Variants in ERGIC1 observed in about 807,000 individuals in gnomAD.
The protein encoded by ERGIC1 is endoplasmic reticulum-Golgi intermediate compartment protein 1.
In ERGIC1, 19 loss-of-function variants were observed where a neutral mutation model predicts 38.3. That is an observed-to-expected ratio of 0.50 (90% CI 0.35 to 0.73). ERGIC1 has a LOEUF of 0.73. ERGIC1 is among the 30% of genes least tolerant of loss of function. The pLI, the probability that ERGIC1 is intolerant of heterozygous loss-of-function variation, is 0.01. For synonymous variants in ERGIC1, 124 were observed against 157.6 expected (o/e 0.79, Z 1.60); for missense variants, 294 against 389.2 (o/e 0.76, Z 2.06).
intron 1 of ERGIC1, among the ~76,000 whole-genome samples, chr5:172,836,845 C>T (rs1026040049): frequency 3.2e-4 from 49 of 152,208 alleles, no homozygotes; most frequent in Admixed American, 3.2e-3. Context: ...CATCGATTCC[C>T]TTGTCACCTG....
At chr5:172,864,712 G>A (rs114430340) in intron 1 of ERGIC1, among the ~76,000 whole-genome samples, 164 of 152,002 alleles carry the variant, frequency 1.1e-3, no homozygotes, top group African/African-American at 3.8e-3. Context: ...CATTGTTGTA[G>A]AGGGTTAAAG....
chr5:172,921,897 G>A (rs990752313), intron 5 of ERGIC1, among the ~76,000 whole-genome samples: 2 of 152,214 alleles, frequency 1.3e-5, no homozygotes, highest in Non-Finnish European at 2.9e-5. Context: ...AACACAGGAT[G>A]TCCTTCCCCC....
At chr5:172,903,562 C>T (rs914673652) in intron 3 of ERGIC1, among the ~76,000 whole-genome samples, 4 of 152,124 alleles carry the variant, frequency 2.6e-5, no homozygotes, top group Admixed American at 1.3e-4. Flanking sequence ...CTGGTTTCAT[C>T]GACGTGAAGG....
intron 5 of ERGIC1, chr5:172,915,122 C>T: frequency 1.4e-6 from 1 of 691,572 alleles, no homozygotes; most frequent in South Asian, 1.5e-5. Flanking sequence ...AGCCCCCAGC[C>T]CTGGGTTCAA....
In ERGIC1 at chr5:172,914,112, A is replaced by G. The variant is rs982683637; in HGVS notation, c.251-602A>G. Among the ~76,000 whole-genome samples, 11 of 151,848 alleles carry G rather than the reference A, an allele frequency of 7.2e-5. No homozygotes were observed. The East Asian group carries it at 1.2e-3, about 16-fold the overall frequency. ...AATTTTTTTGTATAGGCGGGCACCT[A>G]TAATCCCAGCTACTTGGGAGGCTGA... On this transcript the variant is annotated intron_variant, in intron 4 of 9. Coordinates refer to ENST00000393784, the MANE Select transcript of ERGIC1 (RefSeq NM_001031711.3).
chr5:172,895,234 C>A (rs1320021103), intron 2 of ERGIC1, among the ~76,000 whole-genome samples: 2 of 152,194 alleles, frequency 1.3e-5, no homozygotes, highest in African/African-American at 4.8e-5. Flanking sequence ...GTAATTATTA[C>A]CTGCCGGGCT....
intron 1 of ERGIC1, among the ~76,000 whole-genome samples, chr5:172,860,975 G>T (rs1456163204): frequency 6.6e-6 from 1 of 152,140 alleles, no homozygotes; most frequent in African/African-American, 2.4e-5. Context: ...CTGACTGCCT[G>T]GGGTCACTCT....
intron 9 of ERGIC1, among the ~76,000 whole-genome samples, chr5:172,945,210 C>G (rs1219628678): frequency 6.6e-6 from 1 of 152,228 alleles, no homozygotes; most frequent in East Asian, 1.9e-4. Context: ...GCCTAAGGTG[C>G]TTTGCCCCAC....
intron 1 of ERGIC1, among the ~76,000 whole-genome samples, chr5:172,877,650 G>T (rs1364539591): frequency 6.6e-6 from 1 of 151,842 alleles, no homozygotes; most frequent in African/African-American, 2.4e-5. Context: ...GTATCCTGGA[G>T]ATTCCCCTGT....
intron 1 of ERGIC1, among the ~76,000 whole-genome samples, chr5:172,883,143 C>T (rs1470614581): frequency 6.6e-6 from 1 of 152,092 alleles, no homozygotes; most frequent in Non-Finnish European, 1.5e-5. Context: ...ATTTGAAATA[C>T]TTTTTTAACT....
chr5:172,849,536 G>A (rs1761352264), intron 1 of ERGIC1, among the ~76,000 whole-genome samples: 1 of 152,224 alleles, frequency 6.6e-6, no homozygotes, highest in Non-Finnish European at 1.5e-5. Context: ...AGCCCTTGAA[G>A]ATGTGTGTGC....
chr5:172,920,961 G>A (rs1476535714), intron 5 of ERGIC1, among the ~76,000 whole-genome samples: 2 of 152,214 alleles, frequency 1.3e-5, no homozygotes, highest in Admixed American at 6.5e-5. Flanking sequence ...GTGAAAATGA[G>A]GCATAAATGT....
chr5:172,857,192 C>T (rs1187291968), intron 1 of ERGIC1, among the ~76,000 whole-genome samples: 1 of 152,182 alleles, frequency 6.6e-6, no homozygotes. Context: ...CCTCAGTTTC[C>T]TCATTTGTAA....
At chr5:172,878,934 G>A (rs576335060) in intron 1 of ERGIC1, among the ~76,000 whole-genome samples, 93 of 152,312 alleles carry the variant, frequency 6.1e-4, no homozygotes, top group Admixed American at 9.1e-4. Context: ...CGAGGGCTCC[G>A]ACAGGCTGGT....
chr5:172,854,937 C>T (rs1384827905), intron 1 of ERGIC1, among the ~76,000 whole-genome samples: 1 of 152,118 alleles, frequency 6.6e-6, no homozygotes, highest in African/African-American at 2.4e-5. Context: ...CTGCTGTTTC[C>T]CTCAAAGTCA....
intron 1 of ERGIC1, among the ~76,000 whole-genome samples, chr5:172,883,696 C>G (rs990766699): frequency 6.6e-6 from 1 of 152,156 alleles, no homozygotes; most frequent in African/African-American, 2.4e-5. Context: ...TAAGATGATG[C>G]CTGGGCCAGG....
chr5:172,851,955 C>T (rs114897367), intron 1 of ERGIC1, among the ~76,000 whole-genome samples: 172 of 152,134 alleles, frequency 1.1e-3, no homozygotes, highest in African/African-American at 3.9e-3. Flanking sequence ...GAGATTTGCC[C>T]GAGATCGTCT....
intron 8 of ERGIC1, chr5:172,934,454 T>C (rs1763843238): frequency 6.5e-6 from 1 of 152,896 alleles, no homozygotes; most frequent in Non-Finnish European, 1.5e-5. Flanking sequence ...TCAGGAAGGT[T>C]GGTGGCAGGG....
intron 3 of ERGIC1, among the ~76,000 whole-genome samples, chr5:172,900,354 G>A (rs766259363): frequency 1.6e-4 from 25 of 152,062 alleles, no homozygotes; most frequent in Admixed American, 2.6e-4. Context: ...CTCTCCCAGC[G>A]GCATCCCGGA....
Sources: gnomAD v4.1 joint callset for allele counts (sites outside exome capture counted in the v4.1 genomes callset) on GRCh38, gnomAD v4.1.1 for gene constraint, MANE v1.5 for transcripts, NCBI Gene and HGNC (gene_info 2026-07-23, HGNC 2026-07-21) for gene names.